Variants in FHIT observed in about 807,000 individuals in gnomAD.
The protein encoded by FHIT is fragile histidine triad diadenosine triphosphatase, also known as bis(5'-adenosyl)-triphosphatase.
In FHIT, 19 loss-of-function variants were observed where a neutral mutation model predicts 17.9. The observed-to-expected ratio is 1.06, with a 90% CI of 0.74 to 1.56. The LOEUF is 1.56. Among genes scored for constraint, FHIT ranks in the 40% most tolerant of loss-of-function variants. The pLI is 0.00. For synonymous variants in FHIT, 81 were observed against 69.7 expected (o/e 1.16, Z -0.81); for missense variants, 248 against 189.2 (o/e 1.31, Z -1.82).
At chr3:60,024,126 C>T (rs1158701838) in intron 5 of FHIT, among the ~76,000 whole-genome samples, 1 of 152,170 alleles carries the variant, frequency 6.6e-6, no homozygotes, top group Non-Finnish European at 1.5e-5. Flanking sequence ...AACTTCAGAA[C>T]TATTAACTCA....
chr3:60,453,623 G>A (rs1038454526), intron 5 of FHIT, among the ~76,000 whole-genome samples: 3 of 152,108 alleles, frequency 2.0e-5, no homozygotes, highest in African/African-American at 4.8e-5. Context: ...TCCTAGCCCT[G>A]ACTCTATGTA....
chr3:60,643,325 T>A (rs1553685893), intron 4 of FHIT, among the ~76,000 whole-genome samples: 3 of 151,992 alleles, frequency 2.0e-5, no homozygotes, highest in African/African-American at 7.3e-5. Flanking sequence ...TGACCATATT[T>A]CCAAGAGCAA....
chr3:61,081,950 T>C (rs1401724319), intron 2 of FHIT, among the ~76,000 whole-genome samples: 1 of 152,094 alleles, frequency 6.6e-6, no homozygotes, highest in Non-Finnish European at 1.5e-5. Context: ...AGACACCTAA[T>C]ACCTCTCAAA....
chr3:61,154,202 T>C (rs1033347882), intron 2 of FHIT, among the ~76,000 whole-genome samples: 2 of 152,220 alleles, frequency 1.3e-5, no homozygotes, highest in African/African-American at 4.8e-5. Flanking sequence ...TGGATATTCA[T>C]GAAAGCCATT....
At chr3:60,546,044 T>C (rs1030318857) in intron 4 of FHIT, among the ~76,000 whole-genome samples, 2 of 152,192 alleles carry the variant, frequency 1.3e-5, no homozygotes, top group Non-Finnish European at 2.9e-5. Context: ...TTTTCTTCTT[T>C]GTATTTGACA....
At chr3:60,392,848 T>A (rs1308623785) in intron 5 of FHIT, among the ~76,000 whole-genome samples, 1 of 152,156 alleles carries the variant, frequency 6.6e-6, no homozygotes, top group East Asian at 1.9e-4. Context: ...AACAGTTTTT[T>A]GGTATGCTCA....
At chr3:59,752,436 G>C in intron 8 of FHIT, 115 bp from the exon 9 acceptor site, 2 of 624,300 alleles carry the variant, frequency 3.2e-6, no homozygotes, top group South Asian at 3.8e-5. Context: ...GCCAGTAGGT[G>C]TATCTTTTAA....
chr3:60,276,754 G>A (rs1707156337), intron 5 of FHIT, among the ~76,000 whole-genome samples: 1 of 152,104 alleles, frequency 6.6e-6, no homozygotes, highest in African/African-American at 2.4e-5. Context: ...GCCTTGGGGA[G>A]CTTACAATCA....
intron 1 of FHIT, among the ~76,000 whole-genome samples, chr3:61,204,047 A>G (rs1032909677): frequency 1.3e-5 from 2 of 152,250 alleles, no homozygotes; most frequent in Non-Finnish European, 2.9e-5. Context: ...CCACATCAAC[A>G]TAGATACCTC....
Position 60,354,026 on chromosome 3 carries a change from C to T in FHIT, c.103+182834G>A, listed in dbSNP as rs149734862. Among the ~76,000 whole-genome samples, 1,416 of 152,118 alleles carry T rather than the reference C, an allele frequency of 9.3e-3. 20 individuals are homozygous for T. The highest frequency in any genetic ancestry group is 0.033 in the African/African-American group (1,372 of 41,502). ...CAGAGACTTATGTAGTAGGATTTTT[C>T]TATCACGATGATGGGCTGGAGAATC... On this transcript the variant is annotated intron_variant, in intron 5 of 9. Transcript: ENST00000492590.
In FHIT at chr3:60,694,101, AG is replaced by A. The variant is rs1357512179; in HGVS notation, c.-18+127817del. Among the ~76,000 whole-genome samples, 5 of 152,338 alleles carry A rather than the reference AG, an allele frequency of 3.3e-5. No individual in the cohort carries two copies. The East Asian group carries it at 9.6e-4, about 29-fold the overall frequency. On this transcript the variant is annotated intron_variant, in intron 4 of 9. Coordinates refer to ENST00000492590, the MANE Select transcript of FHIT (RefSeq NM_002012.4). ...GTTAGTAAAGCTGCAAAGAATACTG[AG>A]GAAATTAAACCAGCTAATTTGGGAA... is the stretch of plus-strand genomic sequence containing the variant.
chr3:61,095,370 CTG>C (rs1235210407), intron 2 of FHIT, among the ~76,000 whole-genome samples: 2 of 152,208 alleles, frequency 1.3e-5, no homozygotes, highest in Non-Finnish European at 2.9e-5. Context: ...TTGTGCTTGA[CTG>C]TGCATTACTA....
intron 2 of FHIT, among the ~76,000 whole-genome samples, chr3:61,101,680 C>A (rs562568707): frequency 1.3e-5 from 2 of 152,268 alleles, no homozygotes; most frequent in Admixed American, 6.5e-5. Flanking sequence ...TTCTTCCTAT[C>A]CATGAGCATG....
chr3:59,784,277 A>G (rs947441788), intron 8 of FHIT, among the ~76,000 whole-genome samples: 3 of 152,156 alleles, frequency 2.0e-5, no homozygotes, highest in Non-Finnish European at 4.4e-5. Flanking sequence ...GATTCTCCCA[A>G]GAGCCTATTC....
Position 61,239,000 on chromosome 3 carries a change from C to G in FHIT, c.-213+12301G>C, listed in dbSNP as rs533698270. Among the ~76,000 whole-genome samples the G allele has an allele frequency of 2.6e-5, 4 of 152,220 alleles. No individual in the cohort carries two copies. The South Asian group carries it at 8.3e-4, about 32-fold the overall frequency. On this transcript the variant is annotated intron_variant, in intron 1 of 9. Transcript: ENST00000492590. Reference sequence around the variant, plus strand: ...AAGGAATTGGGTTATACAAATGGAACCTAGGGTCCAGAGAGTGTATTAACA... The same window carrying G: ...AAGGAATTGGGTTATACAAATGGAAGCTAGGGTCCAGAGAGTGTATTAACA...
intron 5 of FHIT, among the ~76,000 whole-genome samples, chr3:60,027,239 G>GAA (rs34436887): frequency 1.3e-5 from 2 of 150,724 alleles, no homozygotes; most frequent in East Asian, 1.9e-4. Context: ...GTATATAACT[G>GAA]AAAAAAAATA....
At chr3:60,715,685 T>TTA (rs2041665604) in intron 4 of FHIT, among the ~76,000 whole-genome samples, 1 of 150,770 alleles carries the variant, frequency 6.6e-6, no homozygotes, top group Non-Finnish European at 1.5e-5. Flanking sequence ...GATGAGTTAA[T>TTA]GGGTGCAGCA....
chr3:60,365,586 T>C lies in FHIT; in HGVS notation c.103+171274A>G, dbSNP rs780054027. ...TAATTCAGTTCTCATAACTCATTAG[T>C]TATTTCCAAAGAAGGATGTATCACA... On this transcript the variant is annotated intron_variant, in intron 5 of 9. Coordinates refer to ENST00000492590, the MANE Select transcript of FHIT (RefSeq NM_002012.4). 1.2e-4 allele frequency among the ~76,000 whole-genome samples: 18 copies of C among 152,210 alleles called. No individual in the cohort carries two copies. The East Asian group carries it at 3.1e-3, about 26-fold the overall frequency.
intron 7 of FHIT, among the ~76,000 whole-genome samples, chr3:60,003,110 A>C (rs1363357358): frequency 6.6e-6 from 1 of 152,198 alleles, no homozygotes; most frequent in East Asian, 1.9e-4. Flanking sequence ...TGCACTTTAA[A>C]TAATAGAATC....
Sources: allele counts gnomAD v4.1 joint callset (sites outside exome capture counted in the v4.1 genomes callset), GRCh38; gene constraint gnomAD v4.1.1; transcripts MANE v1.5; gene names NCBI Gene and HGNC (gene_info 2026-07-23, HGNC 2026-07-21).